GSAP: variants seen among roughly 807,000 people sequenced by gnomAD.
GSAP encodes gamma-secretase activating protein, also known as gamma-secretase-activating protein.
Under a neutral mutation model 131.7 loss-of-function variants are expected in GSAP, and 118 were observed. The observed-to-expected ratio is 0.90, with a 90% CI of 0.77 to 1.04. The LOEUF (loss-of-function observed/expected upper bound fraction) is 1.04. Among genes scored for constraint, GSAP ranks in the 50% least tolerant of loss-of-function variants. GSAP has a pLI of 0.00. For missense variants in GSAP, 1,019 were observed against 1,013.2 expected (o/e 1.01, Z -0.08); for synonymous variants, 381 against 363.4 (o/e 1.05, Z -0.55).
chr7:77,398,738 AG>A (rs1309661531), intron 3 of GSAP, among the ~76,000 whole-genome samples: 1 of 152,038 alleles, frequency 6.6e-6, no homozygotes, highest in Non-Finnish European at 1.5e-5. Context: ...ACTGCACTCC[AG>A]CCCAAGTGAC....
At chr7:77,370,097 G>T (rs909786057) in intron 12 of GSAP, among the ~76,000 whole-genome samples, 3 of 152,002 alleles carry the variant, frequency 2.0e-5, no homozygotes, top group African/African-American at 7.2e-5. Flanking sequence ...TGTGGAAATA[G>T]AAAAAGGAAT....
At chr7:77,335,136 A>G (rs1221528190) in intron 19 of GSAP, among the ~76,000 whole-genome samples, 3 of 152,110 alleles carry the variant, frequency 2.0e-5, no homozygotes, top group Non-Finnish European at 2.9e-5. Flanking sequence ...GCAGTGGCTC[A>G]CACCTGCAAT....
intron 26 of GSAP, chr7:77,316,368 C>G (rs1430485783): frequency 1.3e-5 from 2 of 152,160 alleles, no homozygotes; most frequent in Non-Finnish European, 2.9e-5. Flanking sequence ...GGGATTTTCT[C>G]TCTCTAAACA....
At chr7:77,400,608 G>T (rs1319403524) in intron 3 of GSAP, among the ~76,000 whole-genome samples, 3 of 152,108 alleles carry the variant, frequency 2.0e-5, no homozygotes, top group Non-Finnish European at 4.4e-5. Context: ...TCCCCAACAG[G>T]TAAATTATCA....
chr7:77,362,237 C>T (rs923050861), intron 13 of GSAP, among the ~76,000 whole-genome samples: 4 of 152,098 alleles, frequency 2.6e-5, no homozygotes, highest in African/African-American at 9.7e-5. Context: ...CTATAATCCC[C>T]ACACTTTGGT....
At chr7:77,380,020 ATTT>A (rs745769218) in intron 8 of GSAP, 124 of 541,542 alleles carry the variant, frequency 2.3e-4, no homozygotes, top group Non-Finnish European at 2.6e-4. Flanking sequence ...GAAGAAAATC[ATTT>A]TTAATATCAA....
chr7:77,325,471 G>T (rs1192784568), intron 23 of GSAP, among the ~76,000 whole-genome samples: 3 of 152,090 alleles, frequency 2.0e-5, no homozygotes, highest in African/African-American at 7.2e-5. Context: ...TACAAATTCT[G>T]CTTTTCAATT....
At chr7:77,346,585 G>A (rs1236485018) in intron 19 of GSAP, among the ~76,000 whole-genome samples, 1 of 150,702 alleles carries the variant, frequency 6.6e-6, no homozygotes, top group Non-Finnish European at 1.5e-5. Flanking sequence ...TGACATGTAC[G>A]TGTAGTCCTA....
chr7:77,361,543 C>CT (rs1428635973), intron 13 of GSAP, among the ~76,000 whole-genome samples: 1 of 152,116 alleles, frequency 6.6e-6, no homozygotes, highest in East Asian at 1.9e-4. Flanking sequence ...AGTTCTTAAA[C>CT]TTTTTTACCT....
chr7:77,346,039 G>A (rs1791760199), intron 19 of GSAP, among the ~76,000 whole-genome samples: 1 of 151,156 alleles, frequency 6.6e-6, no homozygotes, highest in Non-Finnish European at 1.5e-5. Context: ...GGAGGCCGAG[G>A]TGGGCAGATC....
chr7:77,410,567 G>T (rs904709886), intron 1 of GSAP, among the ~76,000 whole-genome samples: 1 of 152,136 alleles, frequency 6.6e-6, no homozygotes, highest in African/African-American at 2.4e-5. Flanking sequence ...ACTTGCATAG[G>T]TAAACCTATA....
intron 5 of GSAP, among the ~76,000 whole-genome samples, chr7:77,390,532 T>C (rs916110104): frequency 1.3e-5 from 2 of 152,114 alleles, no homozygotes; most frequent in Non-Finnish European, 2.9e-5. Flanking sequence ...CACCATTTAT[T>C]AAATAGGGAA....
intron 5 of GSAP, among the ~76,000 whole-genome samples, chr7:77,387,946 G>A (rs970039886): frequency 6.6e-6 from 1 of 152,182 alleles, no homozygotes; most frequent in Non-Finnish European, 1.5e-5. Flanking sequence ...ATATAAGAGG[G>A]CCTAACGGGT....
At chr7:77,408,709 AAAAAG>A (rs1563141853) in intron 1 of GSAP, among the ~76,000 whole-genome samples, 2 of 151,050 alleles carry the variant, frequency 1.3e-5, no homozygotes, top group Admixed American at 6.6e-5. Flanking sequence ...AAAAAAAAAA[AAAAAG>A]AAAAGATAAA....
At position 77,353,723 on chromosome 7, in the gene GSAP, A is replaced by C. The variant is rs1793241568; in HGVS notation, c.1339-82T>G. ...ACCAAAGAAGTACAAATATACATGA[A>C]TCTTTTGCATTCTATACCTATTTTA... On this transcript the variant is annotated intron_variant, in intron 16 of 30. Coordinates refer to ENST00000257626, the MANE Select transcript of GSAP (RefSeq NM_017439.4). The C allele has an allele frequency of 3.8e-6, 3 of 793,180 alleles. No individual in the cohort carries two copies. In the African/African-American group the frequency reaches 5.1e-5, roughly 14 times the overall value. The allele number at this position is 793,180 out of a possible 1,614,324, so 49.1% of individuals were successfully genotyped here.
At chr7:77,344,958 C>T (rs2150786289) in intron 19 of GSAP, among the ~76,000 whole-genome samples, 1 of 152,266 alleles carries the variant, frequency 6.6e-6, no homozygotes, top group South Asian at 2.1e-4. Context: ...AAAGAAAGGA[C>T]TCTGTATATT....
intron 11 of GSAP, among the ~76,000 whole-genome samples, chr7:77,374,536 A>G (rs954531063): frequency 6.6e-6 from 1 of 152,112 alleles, no homozygotes; most frequent in Non-Finnish European, 1.5e-5. Context: ...TGTCTTCTAC[A>G]TATTGATGGC....
chr7:77,345,362 G>A (rs1791637586), intron 19 of GSAP, among the ~76,000 whole-genome samples: 1 of 151,912 alleles, frequency 6.6e-6, no homozygotes, highest in Admixed American at 6.6e-5. Flanking sequence ...GCCCATTATT[G>A]CTCCATATCA....
chr7:77,396,866 C>A, intron 5 of GSAP, 116 bp downstream of exon 5: 1 of 553,458 alleles, frequency 1.8e-6, no homozygotes, highest in Non-Finnish European at 3.0e-6. Context: ...GCCTTTTATT[C>A]TGAGATACGA....
Sources: allele counts gnomAD v4.1 joint callset (sites outside exome capture counted in the v4.1 genomes callset), GRCh38; gene constraint gnomAD v4.1.1; transcripts MANE v1.5; gene names NCBI Gene and HGNC (gene_info 2026-07-23, HGNC 2026-07-21).